Variants in NFE2L3 observed in about 807,000 individuals in gnomAD.
The protein encoded by NFE2L3 is NFE2 like bZIP transcription factor 3.
NFE2L3 carries 18 observed loss-of-function variants against 23.5 expected under a neutral mutation model. That is an observed-to-expected ratio of 0.77 (90% CI 0.53 to 1.13). The LOEUF is 1.13. NFE2L3 is among the 50% of genes most tolerant of loss of function. The probability of loss-of-function intolerance (pLI) is 0.00; values close to 1 mark genes in which losing one functional copy is unlikely to be tolerated. For synonymous variants in NFE2L3, 424 were observed against 354.5 expected (o/e 1.20, Z -2.20); for missense variants, 1,152 against 877.2 (o/e 1.31, Z -3.96).
At chr7:26,177,875 C>T (rs1784442731) in intron 1 of NFE2L3, 68 bp from the exon 2 acceptor site, 2 of 1,384,822 alleles carry the variant, frequency 1.4e-6, no homozygotes, top group South Asian at 2.7e-5. Context: ...TTCATGGTCC[C>T]TGAACAATAA....
At chr7:26,181,493 G>A (rs1208510241) in intron 2 of NFE2L3, among the ~76,000 whole-genome samples, 1 of 151,994 alleles carries the variant, frequency 6.6e-6, no homozygotes, top group Non-Finnish European at 1.5e-5. Flanking sequence ...CCCCAGTGGG[G>A]GCCCCAAAGC....
In NFE2L3 at chr7:26,152,445, GGGGCGCCGGGACCCGC is replaced by G; in HGVS notation, c.-44_-29del. Reference sequence around the variant, plus strand: ...GTCCGCACGTGTCACCCCGGCGGCTGGGGCGCCGGGACCCGCGGGCGCCGGCAGGGGCGTTCCCGGG... The same window carrying G: ...GTCCGCACGTGTCACCCCGGCGGCTGGGGCGCCGGCAGGGGCGTTCCCGGG... On this transcript the variant is annotated 5_prime_UTR_variant, in exon 1 of 4. Coordinates refer to ENST00000056233, the MANE Select transcript of NFE2L3 (RefSeq NM_004289.7). This position sits in a 1 kb window ranked among gnomAD's most constrained non-coding sequence, Gnocchi z 4.4. The G allele has an allele frequency of 1.7e-6, 2 of 1,187,036 alleles. No homozygotes were observed. The highest frequency in any genetic ancestry group is 2.1e-6 in the Non-Finnish European group (2 of 950,210). 73.5% of individuals were successfully genotyped at this position (1,187,036 alleles called of 1,614,324 possible). A position where few individuals can be genotyped will look rare whatever the true frequency, so the allele number is the denominator to read the frequency against.
chr7:26,176,883 C>T (rs1423111301), intron 1 of NFE2L3, among the ~76,000 whole-genome samples: 2 of 132,258 alleles, frequency 1.5e-5, no homozygotes, highest in Non-Finnish European at 3.3e-5. Flanking sequence ...ACCTCCCAGA[C>T]GGGGCGGCCG....
chr7:26,168,091 C>G (rs970976372), intron 1 of NFE2L3, among the ~76,000 whole-genome samples: 1 of 145,722 alleles, frequency 6.9e-6, no homozygotes, highest in African/African-American at 2.5e-5. Flanking sequence ...TCTCTCCCTT[C>G]CTGCCTCCCC....
Position 26,186,410 on chromosome 7 carries a change from ACT to A in NFE2L3, c.*629_*630del, listed in dbSNP as rs1782488822. The A allele has an allele frequency of 6.6e-6, 1 of 152,304 alleles. No homozygotes were observed. The highest frequency in any genetic ancestry group is 1.5e-5 in the Non-Finnish European group (1 of 68,128). 9.4% of individuals were successfully genotyped at this position (152,304 alleles called of 1,614,324 possible). ...TAAGGCAGCATAGCAAACTGCTCAGACTCAAGCCAAATTGAGGTCAACATAGT... is the reference window on the plus strand; with the variant it reads ...TAAGGCAGCATAGCAAACTGCTCAGACAAGCCAAATTGAGGTCAACATAGT... On this transcript the variant is annotated 3_prime_UTR_variant, in exon 4 of 4. Transcript: ENST00000056233.
chr7:26,186,723 G>T lies in NFE2L3; in HGVS notation c.*940G>T, dbSNP rs538884936. On this transcript the variant is annotated 3_prime_UTR_variant, in exon 4 of 4. Transcript: ENST00000056233. ...CACTGTAAGCCATATAAACAGTAGGGAAAGAGTCAGCAACAGTGAAACCAT... is the reference window on the plus strand; with the variant it reads ...CACTGTAAGCCATATAAACAGTAGGTAAAGAGTCAGCAACAGTGAAACCAT... 9 of 152,160 alleles carry T rather than the reference G, an allele frequency of 5.9e-5. No homozygotes were observed. The highest frequency in any genetic ancestry group is 2.2e-4 in the African/African-American group (9 of 41,556). 9.4% of individuals were successfully genotyped at this position (152,160 alleles called of 1,614,324 possible).
Position 26,180,133 on chromosome 7 carries a change from C to T in NFE2L3, c.750+2011C>T, listed in dbSNP as rs187130025. 4.6e-5 allele frequency among the ~76,000 whole-genome samples: 7 copies of T among 152,242 alleles called. No individual in the cohort carries two copies. In the East Asian group the frequency reaches 5.8e-4, roughly 13 times the overall value. On this transcript the variant is annotated intron_variant, in intron 2 of 3. Coordinates refer to ENST00000056233, the MANE Select transcript of NFE2L3 (RefSeq NM_004289.7). The stretch of plus-strand genomic sequence containing the variant: ...CTATGGCTCTTGCATGGTTTCTCAT[C>T]GTTTATATTTCCCAGGCAAAAACAG...
chr7:26,158,122 C>T (rs1784111593), intron 1 of NFE2L3, among the ~76,000 whole-genome samples: 1 of 152,096 alleles, frequency 6.6e-6, no homozygotes, highest in South Asian at 2.1e-4. Flanking sequence ...AATCTCGGCT[C>T]ACTGCAACCT....
chr7:26,157,252 A>C (rs1467117009), intron 1 of NFE2L3, among the ~76,000 whole-genome samples: 2 of 152,116 alleles, frequency 1.3e-5, no homozygotes, highest in African/African-American at 4.8e-5. Context: ...ATCACAGCTC[A>C]CTGCTACCTC....
At chr7:26,156,343 T>A (rs1315592600) in intron 1 of NFE2L3, among the ~76,000 whole-genome samples, 1 of 152,218 alleles carries the variant, frequency 6.6e-6, no homozygotes, top group African/African-American at 2.4e-5. Context: ...TTTTTAATTT[T>A]AAAAAATAGA....
intron 1 of NFE2L3, among the ~76,000 whole-genome samples, chr7:26,175,965 G>A (rs1178026693): frequency 2.0e-5 from 3 of 150,726 alleles, no homozygotes; most frequent in African/African-American, 4.9e-5. Context: ...AGATAAACAC[G>A]TGAACAAAGG....
At chr7:26,157,201 A>G (rs1784095311) in intron 1 of NFE2L3, among the ~76,000 whole-genome samples, 1 of 152,078 alleles carries the variant, frequency 6.6e-6, no homozygotes, top group African/African-American at 2.4e-5. Flanking sequence ...TTTTTTTGGG[A>G]CAGGGTCACT....
Position 26,182,448 on chromosome 7 carries a change from A to G in NFE2L3, c.751-1253A>G, listed in dbSNP as rs1279823747. ...AGACAAGCCTGGCCAACATGGCAAA[A>G]CGCCAGCTCTACTAAAAATATAAAA... On this transcript the variant is annotated intron_variant, in intron 2 of 3. Coordinates refer to ENST00000056233, the MANE Select transcript of NFE2L3 (RefSeq NM_004289.7). Among the ~76,000 whole-genome samples the G allele has an allele frequency of 9.0e-5, 13 of 144,474 alleles. No individual in the cohort carries two copies. In the South Asian group the frequency reaches 2.3e-3, roughly 25 times the overall value. 94.8% of individuals were successfully genotyped at this position (144,474 alleles called of 152,430 possible). A position where few individuals can be genotyped will look rare whatever the true frequency, so the allele number is the denominator to read the frequency against.
intron 2 of NFE2L3, among the ~76,000 whole-genome samples, chr7:26,180,964 ACTT>A (rs1784496078): frequency 6.8e-6 from 1 of 147,666 alleles, no homozygotes; most frequent in African/African-American, 2.5e-5. Flanking sequence ...TGTACTTAAC[ACTT>A]TTTTTTTTTT....
At chr7:26,177,048 A>G (rs1475801710) in intron 1 of NFE2L3, among the ~76,000 whole-genome samples, 4 of 44,166 alleles carry the variant, frequency 9.1e-5, no homozygotes, top group Non-Finnish European at 1.5e-4. Context: ...ATGGGCGGCC[A>G]GGCAGAGATG....
chr7:26,181,588 A>G (rs753097254), intron 2 of NFE2L3, among the ~76,000 whole-genome samples: 25 of 152,102 alleles, frequency 1.6e-4, no homozygotes, highest in Non-Finnish European at 2.6e-4. Context: ...TGATATAAAC[A>G]CTGGTTCTTG....
intron 2 of NFE2L3, among the ~76,000 whole-genome samples, chr7:26,182,501 G>A (rs978653751): frequency 3.9e-5 from 6 of 151,904 alleles, no homozygotes; most frequent in African/African-American, 1.5e-4. Flanking sequence ...ACACATGCCT[G>A]TAGTCCCAGC....
At position 26,183,999 on chromosome 7, in the gene NFE2L3, A is replaced by T. The variant is rs144758298; in HGVS notation, c.834+215A>T. 2.4e-3 allele frequency: 1,260 copies of T among 521,200 alleles called. 15 individuals are homozygous for T. The highest frequency in any genetic ancestry group is 0.022 in the African/African-American group (1,114 of 51,228). 32.3% of individuals were successfully genotyped at this position (521,200 alleles called of 1,614,324 possible). ...CAAATTTAGACTAGTCATGGAAAAC[A>T]GCGTGGAGATTTCTCAAAAAACTAA... On this transcript the variant is annotated intron_variant, in intron 3 of 3. Transcript: ENST00000056233.
chr7:26,184,801 T>C lies in NFE2L3; in HGVS notation c.1103T>C (p.Val368Ala), dbSNP rs778082166. The change falls in exon 4 of 4, where the codon GTT (valine) becomes GCT (alanine). Residue 368 changes from valine (V) to alanine (A), a missense_variant. Transcript: ENST00000056233. Reference protein sequence around the residue: ...GTNLTGFLSPVDNHMRNLTSQ... With the variant: ...GTNLTGFLSPADNHMRNLTSQ... ...AATTTGACAGGATTTCTTTCACCGG[T>C]TGACAATCATATGAGGAATCTAACA... is the stretch of plus-strand genomic sequence containing the variant. The C allele has an allele frequency of 5.0e-6, 8 of 1,613,844 alleles. No homozygotes were observed. The highest frequency in any genetic ancestry group is 4.5e-5 in the East Asian group (2 of 44,884).
Sources: allele counts gnomAD v4.1 joint callset (sites outside exome capture counted in the v4.1 genomes callset), GRCh38; gene constraint gnomAD v4.1.1; non-coding constraint Gnocchi (gnomAD v3.1); transcripts MANE v1.5; gene names NCBI Gene and HGNC (gene_info 2026-07-23, HGNC 2026-07-21).